Variants in SERPINA4 observed in about 807,000 individuals in gnomAD.
SERPINA4 encodes the protein serpin family A member 4, also known as kallistatin.
In SERPINA4, 24 loss-of-function variants were observed where a neutral mutation model predicts 25.4. That is an observed-to-expected ratio of 0.95 (90% CI 0.69 to 1.33). SERPINA4 has a LOEUF of 1.33. Among genes scored for constraint, SERPINA4 ranks in the 40% most tolerant of loss-of-function variants. The pLI, the probability that SERPINA4 is intolerant of heterozygous loss-of-function variation, is 0.00. For synonymous variants in SERPINA4, 242 were observed against 223.6 expected, an observed-to-expected ratio of 1.08 and a Z score of -0.73; for missense variants, 553 against 535.8, an observed-to-expected ratio of 1.03 and a Z score of -0.32.
At chr14:94,564,181 C>A (rs759880155) in intron 2 of SERPINA4, 50 bp downstream of exon 2, 1 of 1,553,642 alleles carries the variant, frequency 6.4e-7, no homozygotes, top group Non-Finnish European at 8.8e-7. Context: ...CCGCCTCCAA[C>A]CCACTAATTT....
In SERPINA4 at chr14:94,563,964, C is replaced by A. The variant is rs369378451; in HGVS notation, c.482C>A (p.Ala161Asp). The change falls in exon 2 of 5, where the codon GCC becomes GAC. Residue 161 changes from alanine to aspartate, a missense_variant. Physicochemically the swap from Ala to Asp is moderately radical, Grantham distance 126. Coordinates refer to ENST00000557004, the MANE Select transcript of SERPINA4 (RefSeq NM_006215.4). ...FLAKFLNDTM[A>D]VYEAKLFHTN... ...GCAAAATTCCTGAATGACACCATGG[C>A]CGTCTATGAGGCTAAACTCTTCCAC... The A allele has an allele frequency of 5.6e-6, 9 of 1,614,060 alleles. No individual in the cohort carries two copies. The African/African-American group carries it at 1.1e-4, about 19-fold the overall frequency.
At chr14:94,564,161 A>G in intron 2 of SERPINA4, 30 bp downstream of exon 2, 1 of 1,587,378 alleles carries the variant, frequency 6.3e-7, no homozygotes, top group Non-Finnish European at 8.6e-7. Context: ...TATATGCTAA[A>G]TCCACACCAC....
At position 94,569,752 on chromosome 14, in the gene SERPINA4, C is replaced by G; in HGVS notation, c.*157C>G. On this transcript the variant is annotated 3_prime_UTR_variant, in exon 5 of 5. Coordinates refer to ENST00000557004, the MANE Select transcript of SERPINA4 (RefSeq NM_006215.4). ...GGCCGGTGGGGAGCGGGGAGGGGCA[C>G]TGAGATGGGCAGGGCCTGGACATTC... 1.4e-6 allele frequency: 1 copy of G among 728,042 alleles called. No individual in the cohort carries two copies. The highest frequency in any genetic ancestry group is 1.8e-5 in the South Asian group (1 of 55,322). The allele number at this position is 728,042 out of a possible 1,614,324, so 45.1% of individuals were successfully genotyped here.
rs1185860276 is a variant in SERPINA4 at position 94,563,507 on chromosome 14, C to T, written c.25C>T (p.Leu9Phe). The change falls in exon 2 of 5, where the codon CTC becomes TTC. Residue 9 changes from leucine (L) to phenylalanine (F), a missense_variant. Physicochemically the swap from Leu to Phe is conservative, Grantham distance 22. Transcript: ENST00000557004. MHLIDYLL[L>F]LLVGLLALSH... ...GATGCATCTTATCGACTACCTGCTCCTCCTGCTGGTTGGACTACTGGCCCT... is the reference window on the plus strand; with the variant it reads ...GATGCATCTTATCGACTACCTGCTCTTCCTGCTGGTTGGACTACTGGCCCT... The T allele has an allele frequency of 1.2e-6, 2 of 1,613,660 alleles. No individual in the cohort carries two copies. Among genetic ancestry groups the T allele is most frequent in the Non-Finnish European group, 8.5e-7 (1 of 1,179,788 alleles).
At position 94,569,293 on chromosome 14, in the gene SERPINA4, G is replaced by A. The variant is rs1902317474; in HGVS notation, c.1084-102G>A. The A allele has an allele frequency of 5.6e-6, 6 of 1,075,084 alleles. 1 individual carries two copies. In the Middle Eastern group the frequency reaches 8.0e-4, roughly 144 times the overall value. The allele number at this position is 1,075,084 out of a possible 1,614,324, so 66.6% of individuals were successfully genotyped here. A position where few individuals can be genotyped will look rare whatever the true frequency, so the allele number is the denominator to read the frequency against. ...TCCCCAAGAAATGGCCTTGCAGGCTGTTATGTGCAATATTATTCCCTAGCA... is the reference window on the plus strand; with the variant it reads ...TCCCCAAGAAATGGCCTTGCAGGCTATTATGTGCAATATTATTCCCTAGCA... On this transcript the variant is annotated intron_variant, in intron 4 of 4. Transcript: ENST00000557004.
intron 1 of SERPINA4, chr14:94,561,792 T>C (rs1902035760): frequency 3.1e-6 from 4 of 1,289,824 alleles, no homozygotes; most frequent in Non-Finnish European, 4.0e-6. Context: ...GGCCAAGGTC[T>C]TCTGGCTGCC....
In SERPINA4 at chr14:94,569,496, C is replaced by T. The variant is rs201404679; in HGVS notation, c.1185C>T (p.His395=). 6.2e-7 allele frequency: 1 copy of T among 1,614,234 alleles called. No individual in the cohort carries two copies. The highest frequency in any genetic ancestry group is 8.5e-7 in the Non-Finnish European group (1 of 1,180,038). ...TCTTCTCTGCCCAGACCAATCGCCACATCCTGCGATTCAACCGGCCCTTCC... is the reference window on the plus strand; with the variant it reads ...TCTTCTCTGCCCAGACCAATCGCCATATCCTGCGATTCAACCGGCCCTTCC... ...IKFFSAQTNR[H]ILRFNRPFLV... is the part of the protein sequence containing the mutation. The change falls in exon 5 of 5, where the codon CAC becomes CAT. Residue 395 remains histidine (H), a synonymous_variant. Transcript: ENST00000557004.
At chr14:94,568,872 A>AG (rs1479982324) in intron 4 of SERPINA4, among the ~76,000 whole-genome samples, 5 of 149,506 alleles carry the variant, frequency 3.3e-5, no homozygotes, top group African/African-American at 1.2e-4. Context: ...CATCTCAAAA[A>AG]AAAAAAAAAA....
chr14:94,568,412 T>A, intron 4 of SERPINA4, 124 bp downstream of exon 4: 1 of 999,046 alleles, frequency 1.0e-6, no homozygotes, highest in Non-Finnish European at 1.5e-6. Context: ...TTCAGTCATC[T>A]ACAGGCATCA....
In SERPINA4 at chr14:94,567,250, A is replaced by G. The variant is rs774066644; in HGVS notation, c.923+7A>G. 2.5e-6 allele frequency: 4 copies of G among 1,611,104 alleles called. No individual in the cohort carries two copies. Among genetic ancestry groups the G allele is most frequent in the Admixed American group, 3.3e-5 (2 of 59,954 alleles). Reference sequence around the variant, plus strand: ...ACAACTTGTTGCGGAAGAGGTAATCAGTGTGCTATGGGGGCTGAATCTACA... The same window carrying G: ...ACAACTTGTTGCGGAAGAGGTAATCGGTGTGCTATGGGGGCTGAATCTACA... On this transcript the variant is annotated splice_region_variant and intron_variant, in intron 3 of 4. Coordinates refer to ENST00000557004, the MANE Select transcript of SERPINA4 (RefSeq NM_006215.4).
In SERPINA4 at chr14:94,569,633, T is replaced by A. The variant is rs1902333638; in HGVS notation, c.*38T>A. ...TGCTCATCTGTTCCAAGCAGGAGGA[T>A]GTGGCAGGGGAGGGCTGGGAGTGAG... is the stretch of plus-strand genomic sequence containing the variant. On this transcript the variant is annotated 3_prime_UTR_variant, in exon 5 of 5. Coordinates refer to ENST00000557004, the MANE Select transcript of SERPINA4 (RefSeq NM_006215.4). 6.2e-7 allele frequency: 1 copy of A among 1,607,548 alleles called. No individual in the cohort carries two copies. The highest frequency in any genetic ancestry group is 8.5e-7 in the Non-Finnish European group (1 of 1,174,532).
chr14:94,564,854 A>C (rs562192902), intron 2 of SERPINA4, among the ~76,000 whole-genome samples: 1 of 152,372 alleles, frequency 6.6e-6, no homozygotes, highest in East Asian at 1.9e-4. Context: ...AATATGTAAA[A>C]GCATAAAGGA....
chr14:94,567,282 T>C, intron 3 of SERPINA4, 39 bp downstream of exon 3: 2 of 1,561,694 alleles, frequency 1.3e-6, no homozygotes, highest in South Asian at 2.4e-5. Flanking sequence ...TACAGTACTA[T>C]CCATCAAATG....
intron 2 of SERPINA4, among the ~76,000 whole-genome samples, chr14:94,566,230 T>A (rs1253803402): frequency 6.6e-6 from 1 of 152,248 alleles, no homozygotes; most frequent in Non-Finnish European, 1.5e-5. Flanking sequence ...AGTCTACATC[T>A]GCACCCAGCA....
At chr14:94,569,324 TG>T in intron 4 of SERPINA4, 70 bp from the exon 5 acceptor site, 1 of 1,401,178 alleles carries the variant, frequency 7.1e-7, no homozygotes, top group Non-Finnish European at 9.9e-7. Flanking sequence ...TAGCAATTTC[TG>T]GCTCTCGCAG....
Position 94,567,220 on chromosome 14 carries a change from G to T in SERPINA4, c.900G>T (p.Arg300Ser). The change falls in exon 3 of 5, where the codon AGG (arginine) becomes AGT (serine). Residue 300 changes from arginine (R) to serine (S), a missense_variant. Arg to Ser is a moderately radical substitution (Grantham distance 110). Transcript: ENST00000557004. ...TTCTGACTCCAGAGATGCTAATGAG[G>T]TGGAACAACTTGTTGCGGAAGAGGT... is the stretch of plus-strand genomic sequence containing the variant. ...EEVLTPEMLMRWNNLLRKRNF... is the reference protein window; with the variant it reads ...EEVLTPEMLMSWNNLLRKRNF... 6.2e-7 allele frequency: 1 copy of T among 1,613,962 alleles called. No individual in the cohort carries two copies. The highest frequency in any genetic ancestry group is 8.5e-7 in the Non-Finnish European group (1 of 1,179,950).
intron 2 of SERPINA4, among the ~76,000 whole-genome samples, chr14:94,565,691 CAAAA>C (rs10566829): frequency 4.2e-5 from 6 of 141,304 alleles, no homozygotes; most frequent in African/African-American, 7.9e-5. Context: ...ACTAAAAATA[CAAAA>C]AAAAAAAAAA....
intron 4 of SERPINA4, 59 bp downstream of exon 4, chr14:94,568,347 C>A: frequency 6.3e-7 from 1 of 1,582,794 alleles, no homozygotes; most frequent in Non-Finnish European, 8.6e-7. Context: ...CCCATGGGAG[C>A]TGCCAGGCGA....
At position 94,569,671 on chromosome 14, in the gene SERPINA4, TA is replaced by T. The variant is rs1405854414; in HGVS notation, c.*77del. On this transcript the variant is annotated 3_prime_UTR_variant, in exon 5 of 5. Coordinates refer to ENST00000557004, the MANE Select transcript of SERPINA4 (RefSeq NM_006215.4). ...GGCTGGGAGTGAGTAGCTCTGTGTT[TA>T]GAGTTGGGGACAAGGATGACACCGA... 1.6e-4 allele frequency: 234 copies of T among 1,504,852 alleles called. No homozygotes were observed. Among genetic ancestry groups the T allele is most frequent in the Non-Finnish European group, 1.9e-4 (211 of 1,088,426 alleles). The allele number at this position is 1,504,852 out of a possible 1,614,324, so 93.2% of individuals were successfully genotyped here. A position where few individuals can be genotyped will look rare whatever the true frequency, so the allele number is the denominator to read the frequency against.
Sources: allele counts gnomAD v4.1 joint callset (sites outside exome capture counted in the v4.1 genomes callset), GRCh38; gene constraint gnomAD v4.1.1; transcripts MANE v1.5; gene names NCBI Gene and HGNC (gene_info 2026-07-23, HGNC 2026-07-21).